The following CSF2RA variants were observed in gnomAD, a reference collection of about 807,000 sequenced individuals.
CSF2RA encodes granulocyte-macrophage colony-stimulating factor receptor subunit alpha.
A neutral mutation model predicts 51.6 loss-of-function variants in CSF2RA; 42 were observed. That is an observed-to-expected ratio of 0.81 (90% CI 0.64 to 1.05). The LOEUF is 1.05. Ranked by LOEUF, CSF2RA falls within the 50% of genes least tolerant of loss-of-function variation. The pLI, the probability that CSF2RA is intolerant of heterozygous loss-of-function variation, is 0.00. For synonymous variants in CSF2RA, 222 were observed against 193.0 expected (o/e 1.15, Z -1.24); for missense variants, 530 against 501.1 (o/e 1.06, Z -0.55).
Position 1,274,324 on chromosome X carries a change from G to A in CSF2RA, c.-90-431G>A, listed in dbSNP as rs759350775. 5.4e-4 allele frequency among the ~76,000 whole-genome samples: 82 copies of A among 151,556 alleles called. 1 individual carries two copies. Among genetic ancestry groups the A allele is most frequent in the Middle Eastern group, 3.4e-3 (1 of 294 alleles). On this transcript the variant is annotated intron_variant, in intron 1 of 12. Coordinates refer to ENST00000381529, the MANE Select transcript of CSF2RA (RefSeq NM_172245.4). ...ATTTGCTTTCATACATTTTTTTGGC[G>A]GGGAGGGAGCTGGGGATCCAGTCTT...
downstream of CSF2RA, among the ~76,000 whole-genome samples, chrX:1,314,857 C>A (rs1256015150): frequency 1.7e-4 from 11 of 64,294 alleles, no homozygotes; most frequent in East Asian, 3.1e-4. Flanking sequence ...AATCCCACTG[C>A]ACCTGCCCAA....
chrX:1,295,392 A>G (rs1340946628), intron 8 of CSF2RA, 35 bp from the exon 9 acceptor site: 2 of 1,613,380 alleles, frequency 1.2e-6, no homozygotes, highest in Admixed American at 3.3e-5. Flanking sequence ...AAATGGAAAC[A>G]GTGAGCCTTG....
intron 9 of CSF2RA, among the ~76,000 whole-genome samples, chrX:1,295,972 C>A (rs1209244351): frequency 6.6e-6 from 1 of 151,082 alleles, no homozygotes; most frequent in East Asian, 2.0e-4. Context: ...CTCTACAGTC[C>A]CCTACTCACG....
At chrX:1,301,055 A>C (rs2148603496) in intron 10 of CSF2RA, among the ~76,000 whole-genome samples, 1 of 151,274 alleles carries the variant, frequency 6.6e-6, no homozygotes, top group Admixed American at 6.6e-5. Flanking sequence ...CGGGAGGCTG[A>C]GGCAGGAGAA....
In CSF2RA at chrX:1,294,424, A is replaced by T; in HGVS notation, c.743A>T (p.Tyr248Phe). The change falls in exon 8 of 13, where the codon TAC becomes TTC. Residue 248 changes from tyrosine (Y) to phenylalanine (F), a missense_variant. Physicochemically the swap from Tyr to Phe is conservative, Grantham distance 22. Coordinates refer to ENST00000381529, the MANE Select transcript of CSF2RA (RefSeq NM_172245.4). ...CCCAGGACCTATCAGAAGCTGTCGT[A>T]CCTGGACTTTCAGTACCAGCTGGAC... ...KQPRTYQKLS[Y>F]LDFQYQLDVH... is the part of the protein sequence containing the mutation. 1.9e-6 allele frequency: 3 copies of T among 1,613,752 alleles called. No individual in the cohort carries two copies. The highest frequency in any genetic ancestry group is 2.5e-6 in the Non-Finnish European group (3 of 1,179,852).
At chrX:1,312,510 T>C (rs1413549782), downstream of CSF2RA, among the ~76,000 whole-genome samples, 8 of 151,998 alleles carry the variant, frequency 5.3e-5, no homozygotes, top group Admixed American at 3.3e-4. Flanking sequence ...GTCTATCACA[T>C]GGGATTAGGA....
chrX:1,280,479 A>C (rs1301754689), intron 2 of CSF2RA, among the ~76,000 whole-genome samples: 1 of 145,504 alleles, frequency 6.9e-6, no homozygotes, highest in Non-Finnish European at 1.5e-5. Flanking sequence ...CTCAAAAAAA[A>C]AAAAAAAAAA....
chrX:1,323,018 A>G, the CSF2RA span, among the ~76,000 whole-genome samples: 2 of 151,602 alleles, frequency 1.3e-5, no homozygotes, highest in African/African-American at 2.4e-5. Flanking sequence ...GGTCCCAGCT[A>G]CTCGGGAGGC....
At chrX:1,272,080 A>G (rs1423268728) in intron 1 of CSF2RA, among the ~76,000 whole-genome samples, 1 of 148,828 alleles carries the variant, frequency 6.7e-6, no homozygotes, top group Non-Finnish European at 1.5e-5. Context: ...CAGCCTCTCC[A>G]GTAGCTGGGA....
In CSF2RA at chrX:1,283,167, G is replaced by C. The variant is rs866528585; in HGVS notation, c.76+388G>C. Among the ~76,000 whole-genome samples, 785 of 135,078 alleles carry C rather than the reference G, an allele frequency of 5.8e-3. 14 individuals are homozygous for C. The highest frequency in any genetic ancestry group is 0.02 in the African/African-American group (699 of 34,110). The allele number at this position is 135,078 out of a possible 152,430, so 88.6% of individuals were successfully genotyped here. ...CCTTCCTTCCTTCGTTCCTTCCTTC[G>C]TTCCTTCCTTCCTTCCTTCCTTCCT... On this transcript the variant is annotated intron_variant, in intron 3 of 12. Coordinates refer to ENST00000381529, the MANE Select transcript of CSF2RA (RefSeq NM_172245.4).
In CSF2RA at chrX:1,278,780, A is replaced by G. The variant is rs867088167; in HGVS notation, c.-26-3898A>G. ...AGGCTGGGTGCAGTGGCTCATGCCT[A>G]TAATCCCAGCACTTTGGGAGCCCAA... On this transcript the variant is annotated intron_variant, in intron 2 of 12. Coordinates refer to ENST00000381529, the MANE Select transcript of CSF2RA (RefSeq NM_172245.4). Among the ~76,000 whole-genome samples, 123 of 150,478 alleles carry G rather than the reference A, an allele frequency of 8.2e-4. 3 individuals are homozygous for G. The highest frequency in any genetic ancestry group is 2.9e-3 in the African/African-American group (119 of 41,092).
the CSF2RA span, among the ~76,000 whole-genome samples, chrX:1,320,803 A>ATG: frequency 6.7e-6 from 1 of 148,150 alleles, no homozygotes; most frequent in Admixed American, 6.8e-5. Context: ...GAGCCACTGC[A>ATG]CCCAGCCTGT....
At chrX:1,282,328 A>G (rs1387602484) in intron 2 of CSF2RA, 1 of 306,488 alleles carries the variant, frequency 3.3e-6, no homozygotes, top group Non-Finnish European at 6.1e-6. Flanking sequence ...AAAGCTATGA[A>G]AAATGAATGA....
At chrX:1,313,860 C>T (rs1388646473), downstream of CSF2RA, among the ~76,000 whole-genome samples, 2 of 150,100 alleles carry the variant, frequency 1.3e-5, no homozygotes, top group African/African-American at 4.9e-5. Context: ...TGTGGTGGCA[C>T]CTGTAATTGC....
chrX:1,290,218 TTG>T (rs2091270760), intron 6 of CSF2RA, 117 bp from the exon 7 acceptor site: 2 of 829,790 alleles, frequency 2.4e-6, no homozygotes, highest in Non-Finnish European at 3.9e-6. Flanking sequence ...TGTTTTTGTT[TTG>T]TGTTTTTGTG....
intron 6 of CSF2RA, among the ~76,000 whole-genome samples, chrX:1,290,129 GT>G (rs2091254948): frequency 8.6e-6 from 1 of 116,200 alleles, no homozygotes. Context: ...GTGTTTTTAT[GT>G]TTTGTTTTGT....
downstream of CSF2RA, among the ~76,000 whole-genome samples, chrX:1,314,383 G>GCA (rs2084363104): frequency 4.5e-5 from 6 of 133,766 alleles, no homozygotes; most frequent in East Asian, 2.3e-4. Flanking sequence ...ACCACTCTGT[G>GCA]CCTGCCCAAC....
At chrX:1,321,265 C>T in the CSF2RA span, among the ~76,000 whole-genome samples, 3 of 151,926 alleles carry the variant, frequency 2.0e-5, no homozygotes, top group Non-Finnish European at 4.4e-5. Context: ...GTCAGGAGAT[C>T]GAGACCATCC....
At chrX:1,314,276 C>G (rs1371137900), downstream of CSF2RA, among the ~76,000 whole-genome samples, 2 of 82,520 alleles carry the variant, frequency 2.4e-5, no homozygotes, top group Non-Finnish European at 2.9e-5. Context: ...TGCGCCTGCC[C>G]AACCCCACTG....
Sources: gnomAD v4.1 joint callset for allele counts (sites outside exome capture counted in the v4.1 genomes callset) on GRCh38, gnomAD v4.1.1 for gene constraint, MANE v1.5 for transcripts, NCBI Gene and HGNC (gene_info 2026-07-23, HGNC 2026-07-21) for gene names.